ABCC8: variants seen among roughly 807,000 people sequenced by gnomAD.
The protein encoded by ABCC8 is ATP-binding cassette sub-family C member 8.
A neutral mutation model predicts 188.0 loss-of-function variants in ABCC8; 137 were observed. The ratio of observed to expected loss-of-function variants is 0.73; its 90% CI spans 0.63 to 0.84. The LOEUF (loss-of-function observed/expected upper bound fraction) is 0.84. Among genes scored for constraint, ABCC8 ranks in the 40% least tolerant of loss-of-function variants. The pLI is 0.00. For synonymous variants in ABCC8, 797 were observed against 846.5 expected (o/e 0.94, Z 1.01); for missense variants, 1,750 against 2,072.7 (o/e 0.84, Z 3.02).
intron 20 of ABCC8, chr11:17,413,080 C>T (rs1003805449): frequency 1.0e-5 from 6 of 598,312 alleles, no homozygotes; most frequent in Non-Finnish European, 1.7e-5. Flanking sequence ...GAGGGGACCC[C>T]ATCTGGAGGA....
intron 11 of ABCC8, among the ~76,000 whole-genome samples, chr11:17,431,834 A>G (rs1207518784): frequency 6.6e-6 from 1 of 152,240 alleles, no homozygotes; most frequent in Non-Finnish European, 1.5e-5. Context: ...AACACATTAA[A>G]AATGTTACCA....
At chr11:17,455,894 G>A (rs1044507999) in intron 6 of ABCC8, among the ~76,000 whole-genome samples, 5 of 148,666 alleles carry the variant, frequency 3.4e-5, no homozygotes, top group South Asian at 2.2e-4. Context: ...AGCTAAGATT[G>A]CGCCAGTGCA....
chr11:17,462,353 A>G (rs537075812), intron 4 of ABCC8, among the ~76,000 whole-genome samples: 2 of 152,340 alleles, frequency 1.3e-5, no homozygotes, highest in South Asian at 4.1e-4. Context: ...CAGATCACCA[A>G]CTAAAAGCAG....
chr11:17,432,730 A>G (rs1955905177), intron 10 of ABCC8, among the ~76,000 whole-genome samples: 1 of 152,152 alleles, frequency 6.6e-6, no homozygotes, highest in Admixed American at 6.5e-5. Flanking sequence ...ATTAGTAACT[A>G]AGGACAGCTT....
chr11:17,433,010 T>C (rs537826796), intron 10 of ABCC8, among the ~76,000 whole-genome samples: 1 of 152,286 alleles, frequency 6.6e-6, no homozygotes, highest in Non-Finnish European at 1.5e-5. Context: ...ACACCCCAGC[T>C]CTTTCCAAGG....
chr11:17,406,366 G>A lies in ABCC8; in HGVS notation c.3329+256C>T, dbSNP rs895347631. On this transcript the variant is annotated intron_variant, in intron 26 of 38. Transcript: ENST00000389817. ...AAAACAATCTTTACTTGGATGTGCA[G>A]ACGCTCACTTTAAAGGGCCATGGTA... The A allele has an allele frequency of 5.4e-6, 3 of 552,972 alleles. No homozygotes were observed. In the African/African-American group the frequency reaches 5.6e-5, roughly 10 times the overall value. The allele number at this position is 552,972 out of a possible 1,614,324, so 34.3% of individuals were successfully genotyped here. A position where few individuals can be genotyped will look rare whatever the true frequency, so the allele number is the denominator to read the frequency against.
intron 8 of ABCC8, among the ~76,000 whole-genome samples, chr11:17,447,626 G>A (rs2133613350): frequency 6.6e-6 from 1 of 152,216 alleles, no homozygotes; most frequent in Non-Finnish European, 1.5e-5. Flanking sequence ...TTGAGACAAG[G>A]TGTCACTCTA....
chr11:17,397,349 T>G, intron 31 of ABCC8, 36 bp from the exon 32 acceptor site: 3 of 1,604,694 alleles, frequency 1.9e-6, no homozygotes, highest in Non-Finnish European at 2.5e-6. Flanking sequence ...CACTCCATGG[T>G]CGCTTAGTTC....
chr11:17,469,996 A>T, intron 3 of ABCC8, 105 bp downstream of exon 3: 2 of 1,453,894 alleles, frequency 1.4e-6, no homozygotes, highest in South Asian at 2.4e-5. Context: ...TTCTATTCCA[A>T]ATCTCTACTG....
At position 17,476,802 on chromosome 11, in the gene ABCC8, G is replaced by T. The variant is rs373869760; in HGVS notation, c.-26C>A. The stretch of plus-strand genomic sequence containing the variant: ...GGCGGCGCGGGCGCGGGCTGGGCTC[G>T]GGCTCAGCTGGCTCCGCTGGCTCCG... On this transcript the variant is annotated 5_prime_UTR_variant, in exon 1 of 39. Transcript: ENST00000389817. The T allele has an allele frequency of 2.6e-6, 4 of 1,516,728 alleles. No homozygotes were observed. Among genetic ancestry groups the T allele is most frequent in the African/African-American group, 2.9e-5 (2 of 69,544 alleles). 94.0% of individuals were successfully genotyped at this position (1,516,728 alleles called of 1,614,324 possible). A position where few individuals can be genotyped will look rare whatever the true frequency, so the allele number is the denominator to read the frequency against.
chr11:17,412,917 A>G (rs1954886242), intron 20 of ABCC8, 171 bp from the exon 21 acceptor site: 2 of 1,409,646 alleles, frequency 1.4e-6, no homozygotes, highest in Admixed American at 2.1e-5. Context: ...GAATTCATTC[A>G]GAAGAGGGCA....
intron 4 of ABCC8, chr11:17,462,028 G>T: frequency 1.9e-6 from 1 of 528,204 alleles, no homozygotes; most frequent in Non-Finnish European, 2.4e-6. Flanking sequence ...CTTTGTAACT[G>T]CTCATTGAGG....
chr11:17,431,592 G>A (rs6486369), intron 11 of ABCC8, among the ~76,000 whole-genome samples: 3,380 of 152,350 alleles, frequency 0.022, 125 homozygotes, highest in African/African-American at 0.077. Flanking sequence ...CAGGCTCGTA[G>A]GGGCCCAGGC....
intron 6 of ABCC8, among the ~76,000 whole-genome samples, chr11:17,458,812 C>G (rs1301908967): frequency 6.6e-6 from 1 of 152,258 alleles, no homozygotes; most frequent in Non-Finnish European, 1.5e-5. Flanking sequence ...AGACCCCTTT[C>G]AAACATCCCC....
intron 7 of ABCC8, among the ~76,000 whole-genome samples, chr11:17,449,501 C>G (rs777485887): frequency 4.6e-5 from 7 of 152,194 alleles, no homozygotes; most frequent in Non-Finnish European, 8.8e-5. Context: ...CAGAGTGCAG[C>G]CACCCCAAGG....
chr11:17,443,399 C>T, intron 8 of ABCC8, 87 bp from the exon 9 acceptor site: 1 of 1,605,462 alleles, frequency 6.2e-7, no homozygotes, highest in Non-Finnish European at 8.5e-7. Context: ...TCCCCAGTCC[C>T]CTAGAGTGGG....
intron 16 of ABCC8, among the ~76,000 whole-genome samples, chr11:17,418,984 A>G (rs1278774116): frequency 6.6e-6 from 1 of 151,960 alleles, no homozygotes; most frequent in Non-Finnish European, 1.5e-5. Flanking sequence ...CATCCTTACA[A>G]CCCTATAAAC....
Position 17,404,034 on chromosome 11 carries a change from A to T in ABCC8, c.3557+478T>A, listed in dbSNP as rs1037728057. On this transcript the variant is annotated intron_variant, in intron 28 of 38. Transcript: ENST00000389817. The surrounding 1 kb of genome is among the most constrained non-coding windows in gnomAD (Gnocchi z 4.7). ...CATGGATCCAAAGCTCATGAGGGCAAATGTGATCCATGAGAATGGCTGTGA... is the reference window on the plus strand; with the variant it reads ...CATGGATCCAAAGCTCATGAGGGCATATGTGATCCATGAGAATGGCTGTGA... Among the ~76,000 whole-genome samples the T allele has an allele frequency of 6.6e-6, 1 of 152,176 alleles. No individual in the cohort carries two copies. The highest frequency in any genetic ancestry group is 6.5e-5 in the Admixed American group (1 of 15,280).
At chr11:17,411,077 G>A (rs1954783349) in intron 21 of ABCC8, among the ~76,000 whole-genome samples, 1 of 152,178 alleles carries the variant, frequency 6.6e-6, no homozygotes. Flanking sequence ...TCTGCCTGGA[G>A]TGCTGCTCTG....
Sources: gnomAD v4.1 joint callset for allele counts (sites outside exome capture counted in the v4.1 genomes callset) on GRCh38, gnomAD v4.1.1 for gene constraint, Gnocchi (gnomAD v3.1) non-coding constraint, MANE v1.5 for transcripts, NCBI Gene and HGNC (gene_info 2026-07-23, HGNC 2026-07-21) for gene names.